UBAC1: variants seen among roughly 807,000 people sequenced by gnomAD.
UBAC1 encodes UBA domain containing 1, also known as ubiquitin-associated domain-containing protein 1.
A neutral mutation model predicts 45.9 loss-of-function variants in UBAC1; 27 were observed. That is an observed-to-expected ratio of 0.59 (90% confidence interval 0.43 to 0.81). The LOEUF (loss-of-function observed/expected upper bound fraction) is 0.81. UBAC1 is among the 30% of genes least tolerant of loss of function. The pLI is 0.00. For synonymous variants in UBAC1, 227 were observed against 215.5 expected (o/e 1.05, Z -0.47); for missense variants, 529 against 539.2 (o/e 0.98, Z 0.19).
chr9:135,940,452 C>T (rs1326376894), intron 7 of UBAC1, among the ~76,000 whole-genome samples: 2 of 151,648 alleles, frequency 1.3e-5, no homozygotes, highest in East Asian at 1.9e-4. Context: ...TGGTGGCAGG[C>T]GCCTGTAGTC....
At chr9:135,956,239 G>A (rs1839464347) in intron 1 of UBAC1, among the ~76,000 whole-genome samples, 1 of 152,214 alleles carries the variant, frequency 6.6e-6, no homozygotes, top group South Asian at 2.1e-4. Flanking sequence ...AGTTGGAGCA[G>A]ACGGCCATGA....
chr9:135,945,100 C>T lies in UBAC1; in HGVS notation c.804G>A (p.Glu268=). 1 of 1,569,100 alleles carries T rather than the reference C, an allele frequency of 6.4e-7. No homozygotes were observed. The highest frequency in any genetic ancestry group is 1.3e-5 in the African/African-American group (1 of 74,744). The change falls in exon 7 of 10, where the codon GAG becomes GAA. Residue 268 remains glutamate (E), a synonymous_variant. Coordinates refer to ENST00000371756, the MANE Select transcript of UBAC1 (RefSeq NM_016172.3). ...EAAAGASATD[E]EARDELTEIF... ...TTTCCGTCAGCTCATCTCTGGCCTC[C>T]TCATCGGTGGCGCTGGCTCCCGCGG... is the stretch of plus-strand genomic sequence containing the variant.
At position 135,938,327 on chromosome 9, in the gene UBAC1, G is replaced by T. The variant is rs775399721; in HGVS notation, c.997C>A (p.Pro333Thr). The T allele has an allele frequency of 6.2e-7, 1 of 1,613,960 alleles. No homozygotes were observed. The change falls in exon 9 of 10, where the codon CCG (proline) becomes ACG (threonine). Residue 333 changes from proline (P) to threonine (T), a missense_variant. Transcript: ENST00000371756. ...TCGATGCCCTTGTCCAGCTCCTCCG[G>T]AGAGGGCTTCCGGTCCCCCAGCAGC... ...EWLLGDRKPS[P>T]EELDKGIDPD...
intron 7 of UBAC1, among the ~76,000 whole-genome samples, chr9:135,943,491 G>A (rs919884614): frequency 2.6e-5 from 4 of 152,332 alleles, no homozygotes; most frequent in East Asian, 1.9e-4. Context: ...AAATAGGAAC[G>A]CTTTTACATT....
chr9:135,944,904 T>C (rs1478781667), intron 7 of UBAC1, 124 bp downstream of exon 7: 1 of 967,670 alleles, frequency 1.0e-6, no homozygotes, highest in Non-Finnish European at 1.5e-6. Flanking sequence ...CCAGCTTCTC[T>C]CTCTCCTGGG....
chr9:135,949,404 CAG>C (rs1184157396), intron 3 of UBAC1, among the ~76,000 whole-genome samples: 1 of 152,152 alleles, frequency 6.6e-6, no homozygotes, highest in Non-Finnish European at 1.5e-5. Flanking sequence ...TCTGAATCTC[CAG>C]AGTCAATGTG....
chr9:135,944,465 G>C (rs936912578), intron 7 of UBAC1, among the ~76,000 whole-genome samples: 1 of 152,230 alleles, frequency 6.6e-6, no homozygotes, highest in African/African-American at 2.4e-5. Flanking sequence ...CAAGGAGGAA[G>C]TAAAACCCGA....
At chr9:135,952,564 C>T (rs1375456614) in intron 3 of UBAC1, among the ~76,000 whole-genome samples, 1 of 152,204 alleles carries the variant, frequency 6.6e-6, no homozygotes, top group Admixed American at 6.5e-5. Flanking sequence ...CTAAGGTACA[C>T]GTGCAAGTGG....
intron 3 of UBAC1, among the ~76,000 whole-genome samples, chr9:135,948,477 A>G (rs762464285): frequency 6.6e-6 from 1 of 152,268 alleles, no homozygotes; most frequent in African/African-American, 2.4e-5. Context: ...CTAGAACTGC[A>G]TCGGTGGCAG....
intron 9 of UBAC1, among the ~76,000 whole-genome samples, chr9:135,935,900 C>A (rs10745377): frequency 0.69 from 104,151 of 151,516 alleles, 35,939 homozygotes; most frequent in East Asian, 0.77. Flanking sequence ...GTGGCGGGCA[C>A]CTGTAGTCCC....
chr9:135,952,364 G>A (rs1272052432), intron 3 of UBAC1, among the ~76,000 whole-genome samples: 2 of 152,272 alleles, frequency 1.3e-5, no homozygotes, highest in African/African-American at 4.8e-5. Context: ...CTACCCTTGA[G>A]ATGAGTAATG....
In UBAC1 at chr9:135,961,070, G is replaced by T; in HGVS notation, c.93C>A (p.Thr31=). The change falls in exon 1 of 10, where the codon ACC becomes ACA. Residue 31 remains threonine, a synonymous_variant. Transcript: ENST00000371756. ...SDGAEWLEEA[T]EDTSVEKLKE... ...TGAGCTTCTCCACCGAGGTGTCCTC[G>T]GTGGCCTCCTCCAGCCACTCGGCGC... 6.3e-7 allele frequency: 1 copy of T among 1,583,054 alleles called. No homozygotes were observed. Among genetic ancestry groups the T allele is most frequent in the Non-Finnish European group, 8.5e-7 (1 of 1,170,288 alleles).
intron 9 of UBAC1, among the ~76,000 whole-genome samples, chr9:135,937,852 G>A (rs1464955455): frequency 2.6e-5 from 4 of 152,126 alleles, no homozygotes; most frequent in Non-Finnish European, 4.4e-5. Flanking sequence ...CATTGCCATC[G>A]AAGACCCTGA....
At chr9:135,941,107 A>T (rs530053685) in intron 7 of UBAC1, among the ~76,000 whole-genome samples, 29 of 152,310 alleles carry the variant, frequency 1.9e-4, no homozygotes, top group African/African-American at 7.0e-4. Context: ...TGTGTGCATG[A>T]TCAGGTCAAA....
Position 135,957,876 on chromosome 9 carries a change from G to A in UBAC1, c.139-2461C>T, listed in dbSNP as rs1481157246. Among the ~76,000 whole-genome samples the A allele has an allele frequency of 3.4e-5, 5 of 147,106 alleles. No individual in the cohort carries two copies. The East Asian group carries it at 1.0e-3, about 30-fold the overall frequency. On this transcript the variant is annotated intron_variant, in intron 1 of 9. Transcript: ENST00000371756. ...TGCAACCTCCGCTTCCCAGGTTCAA[G>A]CGATTCTTGTGCCTCAGCCTCCTGA...
At position 135,945,034 on chromosome 9, in the gene UBAC1, A is replaced by G; in HGVS notation, c.870T>C (p.Asp290=). 6.2e-7 allele frequency: 1 copy of G among 1,613,560 alleles called. No individual in the cohort carries two copies. ...CAGGTCTAGTAACACATACCCGAGCATCAGCCCGAAACTCCCTTTTCCTCC... is the reference window on the plus strand; with the variant it reads ...CAGGTCTAGTAACACATACCCGAGCGTCAGCCCGAAACTCCCTTTTCCTCC... The part of the protein sequence containing the change: ...KIRRKREFRA[D]ARAVISLMEM... Residue 290 remains aspartate (D), a synonymous_variant, in exon 7 of 10, where the codon GAT becomes GAC. Transcript: ENST00000371756.
intron 1 of UBAC1, 61 bp downstream of exon 1, chr9:135,960,964 G>A: frequency 1.4e-6 from 2 of 1,401,722 alleles, no homozygotes; most frequent in Non-Finnish European, 1.9e-6. Context: ...ACTGAGGCGG[G>A]GTCCGCAGTC....
rs1280310804 is a variant in UBAC1, at chr9:135,953,688, C to T, written c.325G>A (p.Glu109Lys). ...CAAACTTTGAAATTTACCTTTTCTT[C>T]TGCTGAGACATCAGCCATCTTGGGA... ...PLPKMADVSA[E>K]EKKKQDQKAP... Residue 109 changes from glutamate (E) to lysine (K), a missense_variant, in exon 3 of 10, where the codon GAA becomes AAA. Transcript: ENST00000371756. 2 of 1,612,352 alleles carry T rather than the reference C, an allele frequency of 1.2e-6. No homozygotes were observed. Among genetic ancestry groups the T allele is most frequent in the Non-Finnish European group, 8.5e-7 (1 of 1,178,832 alleles).
intron 1 of UBAC1, among the ~76,000 whole-genome samples, chr9:135,958,000 G>C (rs1297438435): frequency 1.3e-5 from 2 of 148,916 alleles, no homozygotes; most frequent in African/African-American, 5.0e-5. Context: ...GGAATTTCAT[G>C]AATGTTTACG....
Sources: gnomAD v4.1 joint callset for allele counts (sites outside exome capture counted in the v4.1 genomes callset) on GRCh38, gnomAD v4.1.1 for gene constraint, MANE v1.5 for transcripts, NCBI Gene and HGNC (gene_info 2026-07-23, HGNC 2026-07-21) for gene names.